Variants in ASPRV1 observed in about 807,000 individuals in gnomAD.
ASPRV1 encodes the protein retroviral-like aspartic protease 1.
ASPRV1 carries 7 observed loss-of-function variants against 11.0 expected under a neutral mutation model. That is an observed-to-expected ratio of 0.64 (90% CI 0.36 to 1.20). ASPRV1 has a LOEUF of 1.20. Among genes scored for constraint, ASPRV1 ranks in the 50% most tolerant of loss-of-function variants. The pLI is 0.02. For synonymous variants in ASPRV1, 136 were observed against 138.4 expected (o/e 0.98, Z 0.12); for missense variants, 299 against 320.0 (o/e 0.93, Z 0.50).
the ASPRV1 span, among the ~76,000 whole-genome samples, chr2:69,977,871 G>T: frequency 2.0e-5 from 3 of 152,200 alleles, no homozygotes; most frequent in African/African-American, 7.2e-5. Context: ...AGTAGCCAGT[G>T]GGACCTGTTG....
the ASPRV1 span, among the ~76,000 whole-genome samples, chr2:69,991,849 TA>T: frequency 1.3e-5 from 2 of 152,116 alleles, no homozygotes; most frequent in African/African-American, 2.4e-5. Flanking sequence ...GGGCTTTATT[TA>T]AAAAAAGGAA....
At chr2:69,956,201 T>C (rs1245469651), downstream of ASPRV1, among the ~76,000 whole-genome samples, 1 of 152,152 alleles carries the variant, frequency 6.6e-6, no homozygotes, top group African/African-American at 2.4e-5. Flanking sequence ...TAAATGAGTA[T>C]AACTCATAGA....
the ASPRV1 span, among the ~76,000 whole-genome samples, chr2:69,997,616 C>T: frequency 6.6e-6 from 1 of 152,210 alleles, no homozygotes; most frequent in East Asian, 1.9e-4. Context: ...CTGCGTCCTC[C>T]TCCTGCCACA....
At chr2:70,049,042 T>TA in the ASPRV1 span, 30 of 152,110 alleles carry the variant, frequency 2.0e-4, 1 homozygote, top group African/African-American at 6.3e-4. Context: ...TTTTTTTTAT[T>TA]TTATTATTAT....
At chr2:70,082,697 C>T in the ASPRV1 span, among the ~76,000 whole-genome samples, 9 of 152,186 alleles carry the variant, frequency 5.9e-5, no homozygotes, top group South Asian at 4.2e-4. Flanking sequence ...GCAACAAGCG[C>T]GAAACTCTGT....
At chr2:69,981,234 A>G in the ASPRV1 span, among the ~76,000 whole-genome samples, 1 of 152,252 alleles carries the variant, frequency 6.6e-6, no homozygotes, top group African/African-American at 2.4e-5. Context: ...AAAGTATGAA[A>G]ATTATCTATA....
chr2:70,080,581 G>A, the ASPRV1 span, among the ~76,000 whole-genome samples: 1 of 152,086 alleles, frequency 6.6e-6, no homozygotes, highest in Admixed American at 6.5e-5. Flanking sequence ...TAACTCAAAG[G>A]TCAGGTTTAA....
rs778640143 is a variant in ASPRV1 at position 69,960,780 on chromosome 2, G to A, written c.657C>T (p.Cys219=). 74 of 1,614,026 alleles carry A rather than the reference G, an allele frequency of 4.6e-5. No individual in the cohort carries two copies. The highest frequency in any genetic ancestry group is 6.1e-5 in the Non-Finnish European group (72 of 1,180,034). The change falls in exon 1 of 1, where the codon TGC becomes TGT. Residue 219 remains cysteine, a synonymous_variant. Transcript: ENST00000320256. ...GGCGAAACTTCTTCCCTTTCAGGGTGCATGTGCGGTGCTCAAAGTCCAGGA... is the reference window on the plus strand; with the variant it reads ...GGCGAAACTTCTTCCCTTTCAGGGTACATGTGCGGTGCTCAAAGTCCAGGA... ...NAILDFEHRT[C]TLKGKKFRLL...
At chr2:70,082,869 G>C in the ASPRV1 span, among the ~76,000 whole-genome samples, 2 of 152,102 alleles carry the variant, frequency 1.3e-5, no homozygotes, top group African/African-American at 4.8e-5. Context: ...ACTCCAGCAT[G>C]GGTGACAGAG....
the ASPRV1 span, among the ~76,000 whole-genome samples, chr2:70,053,168 G>A: frequency 1.3e-5 from 2 of 152,164 alleles, no homozygotes; most frequent in South Asian, 2.1e-4. Flanking sequence ...GAAAGCTGCC[G>A]AGGGTGACCA....
At chr2:70,033,945 G>A in the ASPRV1 span, among the ~76,000 whole-genome samples, 1 of 151,576 alleles carries the variant, frequency 6.6e-6, no homozygotes, top group South Asian at 2.1e-4. Context: ...ACGAGGTCAG[G>A]AGATCAAGAC....
chr2:69,938,501 G>A, the ASPRV1 span: 1 of 544,268 alleles, frequency 1.8e-6, no homozygotes, highest in Non-Finnish European at 3.3e-6. Context: ...ATTTGTCTCT[G>A]AGAGACTATA....
the ASPRV1 span, among the ~76,000 whole-genome samples, chr2:69,948,851 C>T: frequency 9.9e-5 from 15 of 152,170 alleles, no homozygotes; most frequent in African/African-American, 3.1e-4. Flanking sequence ...GCCTCCCCCG[C>T]GGCGGGTCCC....
chr2:70,044,647 CG>C, the ASPRV1 span, among the ~76,000 whole-genome samples: 1 of 151,912 alleles, frequency 6.6e-6, no homozygotes, highest in African/African-American at 2.4e-5. Context: ...TTAGTAGAGA[CG>C]GGGTTTCTCC....
chr2:70,070,397 A>C, the ASPRV1 span: 6 of 152,184 alleles, frequency 3.9e-5, no homozygotes, highest in Admixed American at 6.6e-5. Flanking sequence ...CAAGAATTCT[A>C]AACCTAACCA....
At chr2:70,064,824 T>TGG in the ASPRV1 span, among the ~76,000 whole-genome samples, 1 of 152,210 alleles carries the variant, frequency 6.6e-6, no homozygotes, top group Non-Finnish European at 1.5e-5. Context: ...CCAGGCACAG[T>TGG]GGCTCACACC....
At chr2:69,986,304 T>A in the ASPRV1 span, among the ~76,000 whole-genome samples, 16 of 152,214 alleles carry the variant, frequency 1.1e-4, no homozygotes. Flanking sequence ...AGTGGGTAGT[T>A]TAGCTAACAG....
the ASPRV1 span, among the ~76,000 whole-genome samples, chr2:70,077,870 A>T: frequency 1.3e-5 from 2 of 149,202 alleles, no homozygotes; most frequent in Non-Finnish European, 3.0e-5. Flanking sequence ...AAAATAAAAT[A>T]AAAATTAAAT....
At chr2:70,057,026 C>T in the ASPRV1 span, among the ~76,000 whole-genome samples, 3 of 151,764 alleles carry the variant, frequency 2.0e-5, no homozygotes, top group Admixed American at 1.3e-4. Flanking sequence ...CGTGAGCCAC[C>T]GCGCCCAGCT....
Sources: allele counts gnomAD v4.1 joint callset (sites outside exome capture counted in the v4.1 genomes callset), GRCh38; gene constraint gnomAD v4.1.1; transcripts MANE v1.5; gene names NCBI Gene and HGNC (gene_info 2026-07-23, HGNC 2026-07-21).